Variants in FARS2 observed in about 807,000 individuals in gnomAD.
FARS2 encodes phenylalanine--tRNA ligase, mitochondrial.
FARS2 carries 40 observed loss-of-function variants against 46.4 expected under a neutral mutation model. The observed-to-expected ratio is 0.86, with a 90% confidence interval of 0.67 to 1.12. FARS2 has a LOEUF of 1.12. FARS2 is among the 50% of genes most tolerant of loss of function. The probability of loss-of-function intolerance (pLI) is 0.00; values close to 1 mark genes in which losing one functional copy is unlikely to be tolerated. For missense variants in FARS2, 513 were observed against 567.9 expected (o/e 0.90, Z 0.98); for synonymous variants, 234 against 214.9 (o/e 1.09, Z -0.78).
intron 2 of FARS2, among the ~76,000 whole-genome samples, chr6:5,393,386 G>A (rs1050483009): frequency 2.4e-4 from 37 of 152,142 alleles, no homozygotes; most frequent in Non-Finnish European, 1.5e-5. Context: ...GCCGGGCATG[G>A]TGGCTAACGC....
intron 4 of FARS2, among the ~76,000 whole-genome samples, chr6:5,532,777 T>TAAGAAGAAGAAGAAGAAGAAG (rs573860204): frequency 1.3e-3 from 190 of 143,440 alleles, no homozygotes; most frequent in African/African-American, 5.0e-3. Flanking sequence ...ATAATAATAA[T>TAAGAAGAAGAAGAAGAAGAAG]AATAATAAGA....
intron 6 of FARS2, among the ~76,000 whole-genome samples, chr6:5,714,612 A>G (rs1759385018): frequency 6.6e-6 from 1 of 152,182 alleles, no homozygotes; most frequent in Non-Finnish European, 1.5e-5. Context: ...AGAGCCAACA[A>G]AGGAAGACTT....
At chr6:5,327,260 A>G (rs572901898) in intron 1 of FARS2, among the ~76,000 whole-genome samples, 266 of 152,346 alleles carry the variant, frequency 1.7e-3, no homozygotes, top group Non-Finnish European at 2.7e-3. Flanking sequence ...CTGCTATTCA[A>G]TACAAAATCT....
intron 4 of FARS2, among the ~76,000 whole-genome samples, chr6:5,532,037 C>T (rs897583884): frequency 6.6e-6 from 1 of 152,256 alleles, no homozygotes; most frequent in Non-Finnish European, 1.5e-5. Flanking sequence ...TCAAATCTAG[C>T]GTGAAAGTCA....
At chr6:5,332,717 A>C (rs1331254013) in intron 1 of FARS2, among the ~76,000 whole-genome samples, 1 of 152,360 alleles carries the variant, frequency 6.6e-6, no homozygotes, top group African/African-American at 2.4e-5. Context: ...AAACAAGGGC[A>C]ATGTTATGTG....
Position 5,361,674 on chromosome 6 carries a change from A to G in FARS2, c.-21-6876A>G, listed in dbSNP as rs180954612. 1.8e-4 allele frequency among the ~76,000 whole-genome samples: 28 copies of G among 152,338 alleles called. 1 individual carries two copies. The highest frequency in any genetic ancestry group is 3.4e-3 in the Middle Eastern group (1 of 294). On this transcript the variant is annotated intron_variant, in intron 1 of 6. Transcript: ENST00000274680. Reference sequence around the variant, plus strand: ...ACCATTGTTTAGTAGAATAAAATGTATAACTGTGTTGACTGAACCAAGCTT... The same window carrying G: ...ACCATTGTTTAGTAGAATAAAATGTGTAACTGTGTTGACTGAACCAAGCTT...
rs563569808 is a variant in FARS2, at chr6:5,335,669, T to C, written c.-21-32881T>C. Among the ~76,000 whole-genome samples the C allele has an allele frequency of 4.2e-3, 635 of 152,310 alleles. 3 individuals are homozygous for C. The highest frequency in any genetic ancestry group is 7.4e-3 in the Non-Finnish European group (505 of 68,016). On this transcript the variant is annotated intron_variant, in intron 1 of 6. Transcript: ENST00000274680. ...TGCTGTTTGGTGAAATCAAGTTTTA[T>C]TGGATGATTCAGTGTGTAAGAGTGT...
intron 6 of FARS2, among the ~76,000 whole-genome samples, chr6:5,740,080 G>A (rs1761236717): frequency 1.3e-5 from 2 of 152,182 alleles, no homozygotes; most frequent in Non-Finnish European, 2.9e-5. Flanking sequence ...ACCACTGCAT[G>A]GTTTTAGTCC....
At chr6:5,272,579 T>C (rs1380624987) in intron 1 of FARS2, 2 of 152,238 alleles carry the variant, frequency 1.3e-5, no homozygotes, top group East Asian at 3.8e-4. Context: ...CATGTGATAC[T>C]TTAATACATT....
chr6:5,529,727 GTC>G (rs1181119511), intron 4 of FARS2, among the ~76,000 whole-genome samples: 1 of 152,230 alleles, frequency 6.6e-6, no homozygotes. Context: ...TGAGTAGACA[GTC>G]TTTCTCTGCC....
intron 1 of FARS2, among the ~76,000 whole-genome samples, chr6:5,352,967 T>C (rs1296899994): frequency 6.6e-6 from 1 of 152,188 alleles, no homozygotes; most frequent in East Asian, 1.9e-4. Context: ...TATCATACAA[T>C]ATTGTTAATG....
chr6:5,381,017 A>T (rs6597127), intron 2 of FARS2, among the ~76,000 whole-genome samples: 22,991 of 90,812 alleles, frequency 0.25, 2,128 homozygotes, highest in East Asian at 0.46. Context: ...TTTATTTATT[A>T]TGAGACAGAG....
At chr6:5,602,478 C>G (rs1200410695) in intron 5 of FARS2, among the ~76,000 whole-genome samples, 1 of 151,888 alleles carries the variant, frequency 6.6e-6, no homozygotes, top group Non-Finnish European at 1.5e-5. Flanking sequence ...AAAACCCCAT[C>G]TCTACTAAAA....
chr6:5,758,009 G>A (rs1020753854), intron 6 of FARS2, among the ~76,000 whole-genome samples: 2 of 152,196 alleles, frequency 1.3e-5, no homozygotes, highest in Non-Finnish European at 2.9e-5. Context: ...TGTTATGTTA[G>A]CTCTTCAGGT....
intron 4 of FARS2, among the ~76,000 whole-genome samples, chr6:5,459,146 CTAA>C (rs1193257474): frequency 5.3e-5 from 8 of 152,170 alleles, no homozygotes; most frequent in Non-Finnish European, 1.2e-4. Flanking sequence ...TGAGAGCAGT[CTAA>C]TAATCCGTGT....
intron 2 of FARS2, among the ~76,000 whole-genome samples, chr6:5,370,037 A>G (rs538906190): frequency 3.9e-4 from 60 of 152,184 alleles, no homozygotes; most frequent in Non-Finnish European, 7.1e-4. Context: ...ATTTCATTTT[A>G]CTTCCTTAGC....
rs115238985 is a variant in FARS2, at chr6:5,652,689, C to T, written c.1217+39369C>T. ...GAGACCTTTGATGAGCGCTTGTTAC[C>T]GTCCGTGGCCTTGTGGGGTGCCTGG... is the stretch of plus-strand genomic sequence containing the variant. On this transcript the variant is annotated intron_variant, in intron 6 of 6. Coordinates refer to ENST00000274680, the MANE Select transcript of FARS2 (RefSeq NM_006567.5). 1.9e-3 allele frequency among the ~76,000 whole-genome samples: 297 copies of T among 152,312 alleles called. 2 individuals carry two copies. Among genetic ancestry groups the T allele is most frequent in the African/African-American group, 6.8e-3 (281 of 41,566 alleles).
At chr6:5,583,871 T>C (rs2150586099) in intron 5 of FARS2, among the ~76,000 whole-genome samples, 1 of 152,260 alleles carries the variant, frequency 6.6e-6, no homozygotes, top group Middle Eastern at 3.4e-3. Context: ...GAAGTCTGTT[T>C]TGCAAGGGTC....
intron 5 of FARS2, among the ~76,000 whole-genome samples, chr6:5,562,316 C>T (rs1168464558): frequency 1.3e-5 from 2 of 152,040 alleles, no homozygotes; most frequent in African/African-American, 4.8e-5. Flanking sequence ...CTTTTAACGG[C>T]GTTATAGAGT....
Sources: gnomAD v4.1 joint callset for allele counts (sites outside exome capture counted in the v4.1 genomes callset) on GRCh38, gnomAD v4.1.1 for gene constraint, MANE v1.5 for transcripts, NCBI Gene and HGNC (gene_info 2026-07-23, HGNC 2026-07-21) for gene names.